Variants in SCO1 observed in about 807,000 individuals in gnomAD.
SCO1 encodes cytochrome c oxidase assembly factor SCO1.
A neutral mutation model predicts 34.0 loss-of-function variants in SCO1; 23 were observed. That is an observed-to-expected ratio of 0.68 (90% CI 0.49 to 0.96). The LOEUF (loss-of-function observed/expected upper bound fraction) is 0.96, where lower values mean the gene tolerates loss of function less well. Ranked by LOEUF, SCO1 falls within the 40% of genes least tolerant of loss-of-function variation. The probability of loss-of-function intolerance (pLI) is 0.00; values close to 1 mark genes in which losing one functional copy is unlikely to be tolerated. For synonymous variants in SCO1, 161 were observed against 145.5 expected, an observed-to-expected ratio of 1.11 and a Z score of -0.77; for missense variants, 404 against 381.6, an observed-to-expected ratio of 1.06 and a Z score of -0.49.
At position 10,691,963 on chromosome 17, in the gene SCO1, A is replaced by C; in HGVS notation, c.564T>G (p.Asp188Glu). Reference sequence around the variant, plus strand: ...TTAGATCTGGCAGAGTTGTAATGCTATCTGAAAGAGAGTTCCAATTAGTCC... The same window carrying C: ...TTAGATCTGGCAGAGTTGTAATGCTCTCTGAAAGAGAGTTCCAATTAGTCC... ...EKMIQVVDEI[D>E]SITTLPDLTP... Residue 188 changes from aspartate to glutamate, a missense_variant and splice_region_variant, in exon 4 of 6, where the codon GAT (aspartate) becomes GAG (glutamate). Asp to Glu is a conservative substitution (Grantham distance 45). Coordinates refer to ENST00000255390, the MANE Select transcript of SCO1 (RefSeq NM_004589.4). The C allele has an allele frequency of 1.2e-6, 2 of 1,606,682 alleles. No individual in the cohort carries two copies. Among genetic ancestry groups the C allele is most frequent in the Non-Finnish European group, 1.7e-6 (2 of 1,173,302 alleles).
chr17:10,694,016 C>T (rs888149854), intron 2 of SCO1, among the ~76,000 whole-genome samples: 1 of 152,194 alleles, frequency 6.6e-6, no homozygotes, highest in Admixed American at 6.5e-5. Flanking sequence ...ACATGAGTAA[C>T]TTTTCAGTAG....
chr17:10,674,999 A>T lies in SCO1; in HGVS notation c.*6120T>A, dbSNP rs2074571216. 6.6e-6 allele frequency: 1 copy of T among 151,810 alleles called. No homozygotes were observed. Among genetic ancestry groups the T allele is most frequent in the Non-Finnish European group, 1.5e-5 (1 of 68,038 alleles). 9.4% of individuals were successfully genotyped at this position (151,810 alleles called of 1,614,324 possible). A position where few individuals can be genotyped will look rare whatever the true frequency, so the allele number is the denominator to read the frequency against. ...ACAGCAGCCAACAAGGAATGTGCCC[A>T]CTCTCCCCTTCAGTTTGCTCCTCCT... On this transcript the variant is annotated 3_prime_UTR_variant, in exon 6 of 6. Coordinates refer to ENST00000255390, the MANE Select transcript of SCO1 (RefSeq NM_004589.4).
Position 10,675,168 on chromosome 17 carries a change from T to C in SCO1, c.*5951A>G, listed in dbSNP as rs1221706525. ...GATTTCCTGCCCCTTCAACTGAGGG[T>C]GAGAAGACACTGTCTCTGGGGCCTA... On this transcript the variant is annotated 3_prime_UTR_variant, in exon 6 of 6. Coordinates refer to ENST00000255390, the MANE Select transcript of SCO1 (RefSeq NM_004589.4). The C allele has an allele frequency of 6.6e-6, 1 of 152,226 alleles. No homozygotes were observed. The highest frequency in any genetic ancestry group is 2.4e-5 in the African/African-American group (1 of 41,430). 9.4% of individuals were successfully genotyped at this position (152,226 alleles called of 1,614,324 possible).
At chr17:10,683,283 A>G (rs2074633573) in intron 5 of SCO1, among the ~76,000 whole-genome samples, 1 of 152,142 alleles carries the variant, frequency 6.6e-6, no homozygotes, top group African/African-American at 2.4e-5. Context: ...CTCATTTAAC[A>G]ATATATTGGA....
In SCO1 at chr17:10,678,733, T is replaced by A. The variant is rs2074598825; in HGVS notation, c.*2386A>T. The A allele has an allele frequency of 6.6e-6, 1 of 152,182 alleles. No individual in the cohort carries two copies. The highest frequency in any genetic ancestry group is 1.5e-5 in the Non-Finnish European group (1 of 68,044). The allele number at this position is 152,182 out of a possible 1,614,324, so 9.4% of individuals were successfully genotyped here. On this transcript the variant is annotated 3_prime_UTR_variant, in exon 6 of 6. Transcript: ENST00000255390. ...TCTATAAACTAAATCTTGCAGTTGTTTATTAAGGAACAGGCTATTGTATTA... is the reference window on the plus strand; with the variant it reads ...TCTATAAACTAAATCTTGCAGTTGTATATTAAGGAACAGGCTATTGTATTA...
chr17:10,687,285 T>G (rs763359542), intron 4 of SCO1, among the ~76,000 whole-genome samples: 1 of 152,218 alleles, frequency 6.6e-6, no homozygotes, highest in Non-Finnish European at 1.5e-5. Context: ...TGCAAATAAT[T>G]TCAACACTGG....
chr17:10,695,935 G>C, intron 1 of SCO1, 104 bp from the exon 2 acceptor site: 1 of 819,786 alleles, frequency 1.2e-6, no homozygotes, highest in African/African-American at 1.7e-5. Flanking sequence ...CACAGGCCAT[G>C]ATGTTAAATG....
At chr17:10,691,196 T>C (rs1220038531) in intron 4 of SCO1, among the ~76,000 whole-genome samples, 1 of 152,230 alleles carries the variant, frequency 6.6e-6, no homozygotes, top group African/African-American at 2.4e-5. Flanking sequence ...GTCAGCTCAC[T>C]GCTACCTCCG....
In SCO1 at chr17:10,691,867, A is replaced by C; in HGVS notation, c.655+5T>G. On this transcript the variant is annotated splice_donor_5th_base_variant and intron_variant, in intron 4 of 5. Coordinates refer to ENST00000255390, the MANE Select transcript of SCO1 (RefSeq NM_004589.4). ...ATAAATGTAAAGTATTATTTAAAAA[A>C]ATACCTTTCACATAATTTGCGATGG... The C allele has an allele frequency of 6.3e-7, 1 of 1,584,912 alleles. No homozygotes were observed. The highest frequency in any genetic ancestry group is 1.1e-5 in the South Asian group (1 of 90,442).
intron 5 of SCO1, among the ~76,000 whole-genome samples, chr17:10,686,308 G>T (rs2074655943): frequency 6.6e-6 from 1 of 151,868 alleles, no homozygotes; most frequent in Non-Finnish European, 1.5e-5. Flanking sequence ...TCCTAAGGAG[G>T]CTGGATGCGG....
At chr17:10,686,214 C>A (rs539981793) in intron 5 of SCO1, among the ~76,000 whole-genome samples, 5 of 151,942 alleles carry the variant, frequency 3.3e-5, no homozygotes, top group Non-Finnish European at 7.4e-5. Context: ...TGCACTCCAG[C>A]CTGGCTGACG....
intron 4 of SCO1, among the ~76,000 whole-genome samples, chr17:10,690,663 C>T (rs756241217): frequency 6.6e-6 from 1 of 152,166 alleles, no homozygotes; most frequent in Non-Finnish European, 1.5e-5. Context: ...AACTGCAATA[C>T]AATCCAGGAA....
rs1006928114 is a variant in SCO1 at position 10,680,668 on chromosome 17, C to A, written c.*451G>T. ...ATTAGCCACCAAGAACTCAGAAGAG[C>A]AAAGAACTCAAGAAGAGGCAAGCAA... is the stretch of plus-strand genomic sequence containing the variant. On this transcript the variant is annotated 3_prime_UTR_variant, in exon 6 of 6. Coordinates refer to ENST00000255390, the MANE Select transcript of SCO1 (RefSeq NM_004589.4). 6 of 201,034 alleles carry A rather than the reference C, an allele frequency of 3.0e-5. No individual in the cohort carries two copies. Among genetic ancestry groups the A allele is most frequent in the Admixed American group, 2.1e-4 (4 of 18,958 alleles). The allele number at this position is 201,034 out of a possible 1,614,324, so 12.5% of individuals were successfully genotyped here.
intron 4 of SCO1, among the ~76,000 whole-genome samples, chr17:10,690,341 A>T (rs916917497): frequency 6.6e-6 from 1 of 152,236 alleles, no homozygotes; most frequent in African/African-American, 2.4e-5. Context: ...TCATCTCAAC[A>T]CCAAAAAGAC....
Position 10,678,434 on chromosome 17 carries a change from T to C in SCO1, c.*2685A>G, listed in dbSNP as rs1380470670. 6.6e-6 allele frequency: 1 copy of C among 152,180 alleles called. No homozygotes were observed. The highest frequency in any genetic ancestry group is 1.9e-4 in the East Asian group (1 of 5,196). 9.4% of individuals were successfully genotyped at this position (152,180 alleles called of 1,614,324 possible). Reference sequence around the variant, plus strand: ...CACTAGAATGAAGAACAAATAAAAGTTTTCTCCAAAAGCTGCTGTTCCCTT... The same window carrying C: ...CACTAGAATGAAGAACAAATAAAAGCTTTCTCCAAAAGCTGCTGTTCCCTT... On this transcript the variant is annotated 3_prime_UTR_variant, in exon 6 of 6. Transcript: ENST00000255390.
intron 1 of SCO1, 60 bp from the exon 2 acceptor site, chr17:10,695,891 CA>C: frequency 7.9e-7 from 1 of 1,268,556 alleles, no homozygotes; most frequent in South Asian, 1.2e-5. Context: ...TTTAACCATA[CA>C]AACTTATTAA....
chr17:10,683,085 G>A (rs1365082382), intron 5 of SCO1, among the ~76,000 whole-genome samples: 1 of 152,164 alleles, frequency 6.6e-6, no homozygotes, highest in African/African-American at 2.4e-5. Context: ...TCCAGTTAAT[G>A]TATACAATGA....
chr17:10,686,664 A>C, intron 5 of SCO1, 63 bp downstream of exon 5: 1 of 951,748 alleles, frequency 1.1e-6, no homozygotes, highest in Non-Finnish European at 1.7e-6. Flanking sequence ...AGTCATTGAA[A>C]GCCTTATGAC....
rs140538532 is a variant in SCO1 at position 10,681,038 on chromosome 17, T to C, written c.*81A>G. 7.5e-4 allele frequency: 1,133 copies of C among 1,508,530 alleles called. 2 individuals are homozygous for C. Among genetic ancestry groups the C allele is most frequent in the South Asian group, 1.7e-3 (155 of 88,862 alleles). The allele number at this position is 1,508,530 out of a possible 1,614,324, so 93.4% of individuals were successfully genotyped here. On this transcript the variant is annotated 3_prime_UTR_variant, in exon 6 of 6. Coordinates refer to ENST00000255390, the MANE Select transcript of SCO1 (RefSeq NM_004589.4). ...ATTCTGTAGAGTGCACGTATATATG[T>C]TTATATTTATATAGGCTCCTATGCG... is the stretch of plus-strand genomic sequence containing the variant.
Sources: gnomAD v4.1 joint callset for allele counts (sites outside exome capture counted in the v4.1 genomes callset) on GRCh38, gnomAD v4.1.1 for gene constraint, MANE v1.5 for transcripts, NCBI Gene and HGNC (gene_info 2026-07-23, HGNC 2026-07-21) for gene names.